Variants in EBF1 observed in about 807,000 individuals in gnomAD.
EBF1 encodes the protein transcription factor COE1.
EBF1 carries 10 observed loss-of-function variants against 68.4 expected under a neutral mutation model. The observed-to-expected ratio is 0.15, with a 90% CI of 0.09 to 0.25. EBF1 has a LOEUF of 0.25. Among genes scored for constraint, EBF1 ranks in the 10% least tolerant of loss-of-function variants. The pLI is 1.00. For synonymous variants in EBF1, 298 were observed against 299.8 expected, an observed-to-expected ratio of 0.99 and a Z score of 0.06; for missense variants, 509 against 794.4, an observed-to-expected ratio of 0.64 and a Z score of 4.32.
chr5:158,732,610 A>G (rs1764333832), intron 10 of EBF1, among the ~76,000 whole-genome samples: 1 of 152,170 alleles, frequency 6.6e-6, no homozygotes, highest in African/African-American at 2.4e-5. Context: ...AAAGCTGCAT[A>G]AAGTGGCCAG....
chr5:158,792,521 T>C (rs1234550354), intron 9 of EBF1, among the ~76,000 whole-genome samples: 1 of 152,220 alleles, frequency 6.6e-6, no homozygotes, highest in Non-Finnish European at 1.5e-5. Flanking sequence ...AAAAAGACTC[T>C]AAATAATGGC....
intron 4 of EBF1, among the ~76,000 whole-genome samples, chr5:159,085,950 G>A (rs886350843): frequency 8.6e-5 from 13 of 151,986 alleles, no homozygotes; most frequent in Admixed American, 5.2e-4. Flanking sequence ...ATCTGATCCC[G>A]TTACAAAATG....
At chr5:158,844,692 C>T (rs1791077711) in intron 6 of EBF1, among the ~76,000 whole-genome samples, 1 of 152,224 alleles carries the variant, frequency 6.6e-6, no homozygotes, top group African/African-American at 2.4e-5. Flanking sequence ...TCAAGCCAAT[C>T]CTGTAAGAGC....
chr5:158,856,023 A>T (rs1793935355), intron 6 of EBF1, among the ~76,000 whole-genome samples: 1 of 152,258 alleles, frequency 6.6e-6, no homozygotes, highest in Non-Finnish European at 1.5e-5. Flanking sequence ...ACAATAGTTT[A>T]TTAAAACAAA....
intron 6 of EBF1, among the ~76,000 whole-genome samples, chr5:158,934,590 T>C (rs148375073): frequency 5.2e-4 from 79 of 152,328 alleles, no homozygotes; most frequent in African/African-American, 1.9e-3. Flanking sequence ...ATGGGCAGTG[T>C]TGAATATTTG....
chr5:158,950,921 G>A (rs1193172581), intron 6 of EBF1, among the ~76,000 whole-genome samples: 1 of 152,168 alleles, frequency 6.6e-6, no homozygotes, highest in Non-Finnish European at 1.5e-5. Context: ...TGCCATGTGG[G>A]ATGGCTGGCA....
chr5:159,059,104 A>G (rs1775318755), intron 6 of EBF1, among the ~76,000 whole-genome samples: 1 of 152,220 alleles, frequency 6.6e-6, no homozygotes, highest in Non-Finnish European at 1.5e-5. Flanking sequence ...GTGTCCGTAG[A>G]TACAAACCAA....
chr5:158,958,333 G>A (rs1011328010), intron 6 of EBF1, among the ~76,000 whole-genome samples: 1 of 152,136 alleles, frequency 6.6e-6, no homozygotes, highest in Non-Finnish European at 1.5e-5. Context: ...AGAAGGTTGT[G>A]ACCCACTCCT....
intron 10 of EBF1, among the ~76,000 whole-genome samples, chr5:158,743,125 C>A (rs1191098040): frequency 3.9e-5 from 6 of 151,998 alleles, no homozygotes; most frequent in African/African-American, 1.5e-4. Context: ...AATTGGCTAC[C>A]CAAAAATATA....
chr5:158,733,853 G>C (rs1003812289), intron 10 of EBF1, among the ~76,000 whole-genome samples: 1 of 152,072 alleles, frequency 6.6e-6, no homozygotes, highest in African/African-American at 2.4e-5. Context: ...AAATCCAAAG[G>C]AACCTGATGA....
chr5:158,988,778 T>C (rs757190849), intron 6 of EBF1, among the ~76,000 whole-genome samples: 3 of 152,196 alleles, frequency 2.0e-5, no homozygotes, highest in African/African-American at 4.8e-5. Context: ...GAAGGAGAGA[T>C]AACTACTTCA....
chr5:158,922,411 AG>A (rs1329841884), intron 6 of EBF1, among the ~76,000 whole-genome samples: 4 of 152,356 alleles, frequency 2.6e-5, no homozygotes, highest in African/African-American at 9.6e-5. Context: ...CCACATCAAA[AG>A]GGTGTAGGAA....
At chr5:159,000,050 C>T (rs1469444149) in intron 6 of EBF1, among the ~76,000 whole-genome samples, 1 of 152,168 alleles carries the variant, frequency 6.6e-6, no homozygotes, top group Non-Finnish European at 1.5e-5. Context: ...ACTGACCTGA[C>T]ATTTGTGCTG....
At chr5:158,932,433 T>G (rs961271542) in intron 6 of EBF1, among the ~76,000 whole-genome samples, 1 of 152,206 alleles carries the variant, frequency 6.6e-6, no homozygotes, top group African/African-American at 2.4e-5. Flanking sequence ...CATCTATTTA[T>G]GTAAGCAATA....
intron 10 of EBF1, among the ~76,000 whole-genome samples, chr5:158,739,974 A>G (rs1448927954): frequency 6.6e-6 from 1 of 152,178 alleles, no homozygotes; most frequent in Non-Finnish European, 1.5e-5. Context: ...GTTTTCAATC[A>G]TGCTTGGATT....
chr5:158,969,516 C>T (rs1412306309), intron 6 of EBF1, among the ~76,000 whole-genome samples: 4 of 150,392 alleles, frequency 2.7e-5, no homozygotes, highest in Admixed American at 6.6e-5. Flanking sequence ...ATAATCCCAG[C>T]ACTCTGGGAG....
At chr5:159,017,766 T>C (rs893141648) in intron 6 of EBF1, among the ~76,000 whole-genome samples, 1 of 152,170 alleles carries the variant, frequency 6.6e-6, no homozygotes, top group Non-Finnish European at 1.5e-5. Flanking sequence ...GAAATCAGCC[T>C]AGGGAAGGAA....
intron 6 of EBF1, among the ~76,000 whole-genome samples, chr5:159,050,141 T>C (rs1321989884): frequency 7.2e-6 from 1 of 137,994 alleles, no homozygotes; most frequent in Non-Finnish European, 1.6e-5. Context: ...AAACAAGAGG[T>C]TCGTTTCTCT....
intron 6 of EBF1, among the ~76,000 whole-genome samples, chr5:158,869,388 G>A (rs1180428140): frequency 6.6e-6 from 1 of 152,124 alleles, no homozygotes; most frequent in Non-Finnish European, 1.5e-5. Flanking sequence ...TTTCAGTCCA[G>A]CCCACTAGAG....
Sources: allele counts gnomAD v4.1 joint callset (sites outside exome capture counted in the v4.1 genomes callset), GRCh38; gene constraint gnomAD v4.1.1; transcripts MANE v1.5; gene names NCBI Gene and HGNC (gene_info 2026-07-23, HGNC 2026-07-21).